Variants in MRPS27 observed in about 807,000 individuals in gnomAD.
MRPS27 encodes the protein small ribosomal subunit protein mS27.
Under a neutral mutation model 48.9 loss-of-function variants are expected in MRPS27, and 43 were observed. That is an observed-to-expected ratio of 0.88 (90% CI 0.69 to 1.13). The LOEUF is 1.13. Among genes scored for constraint, MRPS27 ranks in the 50% most tolerant of loss-of-function variants. MRPS27 has a pLI of 0.00. For missense variants in MRPS27, 467 were observed against 476.3 expected (o/e 0.98, Z 0.18); for synonymous variants, 188 against 171.9 (o/e 1.09, Z -0.73).
At chr5:72,224,055 G>T (rs1474814361) in intron 9 of MRPS27, among the ~76,000 whole-genome samples, 1 of 152,132 alleles carries the variant, frequency 6.6e-6, no homozygotes, top group African/African-American at 2.4e-5. Flanking sequence ...AACAGTACAA[G>T]ACAAATAGTA....
chr5:72,307,693 C>T (rs1423077193), intron 2 of MRPS27, among the ~76,000 whole-genome samples: 1 of 151,782 alleles, frequency 6.6e-6, no homozygotes, highest in African/African-American at 2.4e-5. Context: ...AAATCTGTGG[C>T]GTTAGAAGTC....
intron 4 of MRPS27, among the ~76,000 whole-genome samples, chr5:72,258,347 G>C (rs749323595): frequency 2.0e-5 from 3 of 152,108 alleles, no homozygotes; most frequent in African/African-American, 2.4e-5. Context: ...CAAGCAAAGA[G>C]AGAAAACAAA....
chr5:72,224,949 TGCCAAG>T (rs1747852099), intron 9 of MRPS27, among the ~76,000 whole-genome samples: 1 of 152,198 alleles, frequency 6.6e-6, no homozygotes, highest in Non-Finnish European at 1.5e-5. Flanking sequence ...CCTAAAAATA[TGCCAAG>T]GCCTTTTAAT....
intron 4 of MRPS27, among the ~76,000 whole-genome samples, chr5:72,287,511 T>G (rs1749704246): frequency 6.6e-6 from 1 of 152,140 alleles, no homozygotes; most frequent in African/African-American, 2.4e-5. Flanking sequence ...TGGTGGCAAC[T>G]GCCTGTAATC....
chr5:72,228,428 G>T, intron 7 of MRPS27, 60 bp from the exon 8 acceptor site: 1 of 1,188,070 alleles, frequency 8.4e-7, no homozygotes. Context: ...ATACAAAAAT[G>T]TGACTTTCAA....
At chr5:72,306,221 GATAATAA>G (rs1019557464) in intron 2 of MRPS27, among the ~76,000 whole-genome samples, 5 of 152,098 alleles carry the variant, frequency 3.3e-5, no homozygotes, top group African/African-American at 1.2e-4. Flanking sequence ...AAATTTCCTA[GATAATAA>G]ATGAAAAGAA....
intron 5 of MRPS27, among the ~76,000 whole-genome samples, chr5:72,235,489 T>C (rs963453374): frequency 6.6e-6 from 1 of 152,152 alleles, no homozygotes; most frequent in Non-Finnish European, 1.5e-5. Context: ...AACCCTAATG[T>C]AAACTAGGAC....
intron 4 of MRPS27, among the ~76,000 whole-genome samples, chr5:72,241,184 G>A (rs2111966354): frequency 6.6e-6 from 1 of 152,148 alleles, no homozygotes; most frequent in South Asian, 2.1e-4. Flanking sequence ...GTAGAGACAG[G>A]GTCTTGCTAT....
At chr5:72,320,033 A>G in intron 1 of MRPS27, 116 bp downstream of exon 1, 1 of 1,090,888 alleles carries the variant, frequency 9.2e-7, no homozygotes, top group Non-Finnish European at 1.4e-6. Flanking sequence ...CAAACACCCC[A>G]AATGGCGTCC....
intron 3 of MRPS27, among the ~76,000 whole-genome samples, chr5:72,296,229 CAAA>C (rs1222056942): frequency 6.8e-6 from 1 of 146,892 alleles, no homozygotes; most frequent in Non-Finnish European, 1.5e-5. Context: ...GACTCAGAGG[CAAA>C]AAAGAAAAAA....
At chr5:72,250,707 C>T (rs754807601) in intron 4 of MRPS27, among the ~76,000 whole-genome samples, 15 of 152,014 alleles carry the variant, frequency 9.9e-5, no homozygotes, top group East Asian at 1.9e-4. Flanking sequence ...GGCATTTTGC[C>T]GGCTTATAAT....
chr5:72,233,933 C>G (rs1748126144), intron 6 of MRPS27, among the ~76,000 whole-genome samples, 186 bp downstream of exon 6: 1 of 152,016 alleles, frequency 6.6e-6, no homozygotes, highest in Non-Finnish European at 1.5e-5. Context: ...TTGATATTTT[C>G]TATCTTAAAA....
rs1747695020 is a variant in MRPS27, at chr5:72,219,968, A to C, written c.*941T>G. The C allele has an allele frequency of 6.5e-6, 1 of 152,672 alleles. No individual in the cohort carries two copies. The highest frequency in any genetic ancestry group is 2.4e-5 in the African/African-American group (1 of 41,464). 9.5% of individuals were successfully genotyped at this position (152,672 alleles called of 1,614,324 possible). On this transcript the variant is annotated 3_prime_UTR_variant, in exon 11 of 11. Transcript: ENST00000261413. ...TTTCTCCTCAGAAACTTACATCCTA[A>C]AAACATCCCTATGGGTGCCTAAAAA...
rs766492473 is a variant in MRPS27, at chr5:72,320,211, G to A, written c.11C>T (p.Ser4Phe). The change falls in exon 1 of 11, where the codon TCC becomes TTC. Residue 4 changes from serine to phenylalanine, a missense_variant. By Grantham distance (155) the Ser-to-Phe change is radical. Coordinates refer to ENST00000261413, the MANE Select transcript of MRPS27 (RefSeq NM_015084.3). Reference sequence around the variant, plus strand: ...CAGGAGCATCCCGCGCCGCACTATGGAGGCAGCCATCTTGGAGCGTACCAA... The same window carrying A: ...CAGGAGCATCCCGCGCCGCACTATGAAGGCAGCCATCTTGGAGCGTACCAA... MAASIVRRGMLLAR... is the reference protein window; with the variant it reads MAAFIVRRGMLLAR... The A allele has an allele frequency of 6.2e-7, 1 of 1,613,978 alleles. No individual in the cohort carries two copies. The highest frequency in any genetic ancestry group is 1.7e-5 in the Admixed American group (1 of 60,028).
At position 72,234,263 on chromosome 5, in the gene MRPS27, C is replaced by T. The variant is rs184100014; in HGVS notation, c.397-66G>A. On this transcript the variant is annotated intron_variant, in intron 5 of 10. Coordinates refer to ENST00000261413, the MANE Select transcript of MRPS27 (RefSeq NM_015084.3). ...TATCTAATTTAGTCTGTAATATATGCCTATGTATTATTCAGAATAAAACTT... is the reference window on the plus strand; with the variant it reads ...TATCTAATTTAGTCTGTAATATATGTCTATGTATTATTCAGAATAAAACTT... 3.2e-5 allele frequency: 39 copies of T among 1,230,870 alleles called. No homozygotes were observed. In the African/African-American group the frequency reaches 5.9e-4, roughly 19 times the overall value. 76.2% of individuals were successfully genotyped at this position (1,230,870 alleles called of 1,614,324 possible).
intron 1 of MRPS27, among the ~76,000 whole-genome samples, chr5:72,315,022 C>T (rs532878045): frequency 6.6e-6 from 1 of 152,330 alleles, no homozygotes; most frequent in East Asian, 1.9e-4. Flanking sequence ...TTCCTAGCTC[C>T]TGGCACAATG....
intron 4 of MRPS27, among the ~76,000 whole-genome samples, chr5:72,240,736 T>C (rs1052109208): frequency 1.3e-5 from 2 of 152,200 alleles, no homozygotes; most frequent in Admixed American, 1.3e-4. Context: ...TTAAAGCCAT[T>C]TGCTAAGCTT....
At chr5:72,288,098 C>T (rs1334613729) in intron 4 of MRPS27, among the ~76,000 whole-genome samples, 1 of 151,812 alleles carries the variant, frequency 6.6e-6, no homozygotes, top group East Asian at 1.9e-4. Context: ...ATGCTTAAGC[C>T]AAAGCCAAAA....
In MRPS27 at chr5:72,276,827, C is replaced by T. The variant is rs10050949; in HGVS notation, c.281+18704G>A. On this transcript the variant is annotated intron_variant, in intron 4 of 10. Transcript: ENST00000261413. The stretch of plus-strand genomic sequence containing the variant: ...CGGGTGGATCACGAGGTCAGGAGAT[C>T]GAGACCATCCTGGTTAACACAGTGA... 3.9e-5 allele frequency among the ~76,000 whole-genome samples: 6 copies of T among 152,018 alleles called. 1 individual carries two copies. Among genetic ancestry groups the T allele is most frequent in the East Asian group, 1.9e-4 (1 of 5,166 alleles).
Sources: allele counts gnomAD v4.1 joint callset (sites outside exome capture counted in the v4.1 genomes callset), GRCh38; gene constraint gnomAD v4.1.1; transcripts MANE v1.5; gene names NCBI Gene and HGNC (gene_info 2026-07-23, HGNC 2026-07-21).